Variants in KCND2 observed in about 807,000 individuals in gnomAD.
KCND2 encodes the protein A-type voltage-gated potassium channel KCND2.
KCND2 carries 16 observed loss-of-function variants against 54.4 expected under a neutral mutation model. The ratio of observed to expected loss-of-function variants is 0.29; its 90% CI spans 0.20 to 0.45. The LOEUF is 0.45. KCND2 is among the 20% of genes least tolerant of loss of function. KCND2 has a pLI of 1.00. For missense variants in KCND2, 486 were observed against 824.2 expected (o/e 0.59, Z 5.02); for synonymous variants, 317 against 310.7 (o/e 1.02, Z -0.21).
chr7:120,360,698 C>T lies in KCND2; in HGVS notation c.1115+84951C>T, dbSNP rs113982758. Among the ~76,000 whole-genome samples the T allele has an allele frequency of 1.4e-3, 216 of 152,136 alleles. 1 individual carries two copies. The highest frequency in any genetic ancestry group is 5.0e-3 in the African/African-American group (207 of 41,550). ...CTTCCCTGTCATTGACACTTTTAAA[C>T]ATATTTTCACTAAAAATATGTGATT... On this transcript the variant is annotated intron_variant, in intron 1 of 5. Coordinates refer to ENST00000331113, the MANE Select transcript of KCND2 (RefSeq NM_012281.3).
rs1033900427 is a variant in KCND2 at position 120,652,192 on chromosome 7, C to T, written c.1116-80711C>T. On this transcript the variant is annotated intron_variant, in intron 1 of 5. Transcript: ENST00000331113. ...CCGGGTTCAAGTGATTCCCCTGCCT[C>T]AGCCTCCTGAGTAGCTGGGACTACA... Among the ~76,000 whole-genome samples, 41 of 152,084 alleles carry T rather than the reference C, an allele frequency of 2.7e-4. 1 individual carries two copies. Among genetic ancestry groups the T allele is most frequent in the African/African-American group, 8.9e-4 (37 of 41,410 alleles).
At position 120,298,786 on chromosome 7, in the gene KCND2, A is replaced by G. The variant is rs530059819; in HGVS notation, c.1115+23039A>G. ...AAATTAGTAATATTTGAGCACTACT[A>G]TTAGAAAGTGTAGCGAAGTCTTACG... is the stretch of plus-strand genomic sequence containing the variant. On this transcript the variant is annotated intron_variant, in intron 1 of 5. Transcript: ENST00000331113. 7.9e-5 allele frequency among the ~76,000 whole-genome samples: 12 copies of G among 152,332 alleles called. No homozygotes were observed. The South Asian group carries it at 1.2e-3, about 16-fold the overall frequency.
At chr7:120,702,832 A>G (rs1406376905) in intron 1 of KCND2, among the ~76,000 whole-genome samples, 4 of 152,182 alleles carry the variant, frequency 2.6e-5, no homozygotes, top group African/African-American at 9.7e-5. Flanking sequence ...ACTAATAGGT[A>G]CTAGGCATAA....
chr7:120,479,976 A>AAAAG (rs1253427955), intron 1 of KCND2, among the ~76,000 whole-genome samples: 5 of 149,914 alleles, frequency 3.3e-5, no homozygotes, highest in African/African-American at 1.2e-4. Context: ...AAAAAAAAAA[A>AAAAG]AAAGAAAGAA....
intron 1 of KCND2, among the ~76,000 whole-genome samples, chr7:120,348,026 G>T (rs1370284449): frequency 6.6e-6 from 1 of 151,942 alleles, no homozygotes; most frequent in Non-Finnish European, 1.5e-5. Flanking sequence ...ATTTATAAGG[G>T]CTCCACTCTC....
chr7:120,573,888 A>G lies in KCND2; in HGVS notation c.1116-159015A>G, dbSNP rs537294298. On this transcript the variant is annotated intron_variant, in intron 1 of 5. Coordinates refer to ENST00000331113, the MANE Select transcript of KCND2 (RefSeq NM_012281.3). Reference sequence around the variant, plus strand: ...GTTATTCTCAAATTAAAAGAAGAAAATTTAGAATCCTGTGACAAATCCTGT... The same window carrying G: ...GTTATTCTCAAATTAAAAGAAGAAAGTTTAGAATCCTGTGACAAATCCTGT... Among the ~76,000 whole-genome samples, 7 of 152,300 alleles carry G rather than the reference A, an allele frequency of 4.6e-5. No individual in the cohort carries two copies. The East Asian group carries it at 1.4e-3, about 29-fold the overall frequency.
chr7:120,706,779 A>C (rs1191068967), intron 1 of KCND2, among the ~76,000 whole-genome samples: 1 of 152,204 alleles, frequency 6.6e-6, no homozygotes, highest in Non-Finnish European at 1.5e-5. Context: ...CTGTGAATTA[A>C]TTAACACACA....
At chr7:120,642,469 C>A (rs1793388630) in intron 1 of KCND2, among the ~76,000 whole-genome samples, 1 of 150,248 alleles carries the variant, frequency 6.7e-6, no homozygotes. Flanking sequence ...GGTTAAGGCA[C>A]AAGAATCACT....
At chr7:120,604,545 ATAATAATAT>A (rs1243518046) in intron 1 of KCND2, among the ~76,000 whole-genome samples, 24 of 93,560 alleles carry the variant, frequency 2.6e-4, no homozygotes, top group South Asian at 1.1e-3. Context: ...AATAATAATA[ATAATAATAT>A]TACTAATTAA....
chr7:120,661,572 C>A (rs1476564883), intron 1 of KCND2, among the ~76,000 whole-genome samples: 3 of 151,830 alleles, frequency 2.0e-5, no homozygotes, highest in Non-Finnish European at 2.9e-5. Context: ...ATCACTTGAA[C>A]CTGAGAGGCG....
intron 1 of KCND2, among the ~76,000 whole-genome samples, chr7:120,610,700 A>G (rs1792943524): frequency 6.6e-6 from 1 of 152,134 alleles, no homozygotes; most frequent in Non-Finnish European, 1.5e-5. Context: ...ATTCAAGCGG[A>G]AACTAATTAG....
intron 1 of KCND2, among the ~76,000 whole-genome samples, chr7:120,681,694 C>G (rs190259403): frequency 3.3e-5 from 5 of 152,132 alleles, no homozygotes; most frequent in African/African-American, 1.2e-4. Flanking sequence ...TTAATCATAA[C>G]TATTCACATT....
rs1207903434 is a variant in KCND2, at chr7:120,273,290, G to T, written c.-1343G>T. 6.6e-6 allele frequency among the ~76,000 whole-genome samples: 1 copy of T among 151,454 alleles called. No homozygotes were observed. Among genetic ancestry groups the T allele is most frequent in the Admixed American group, 6.6e-5 (1 of 15,214 alleles). On this transcript the variant is annotated 5_prime_UTR_variant, in exon 1 of 6. Coordinates refer to ENST00000331113, the MANE Select transcript of KCND2 (RefSeq NM_012281.3). Reference sequence around the variant, plus strand: ...GGAGATGCAGGACCACCCACTGGCGGGGAAGCAGCTAGCAGCCCTCCCGCG... The same window carrying T: ...GGAGATGCAGGACCACCCACTGGCGTGGAAGCAGCTAGCAGCCCTCCCGCG...
At chr7:120,714,397 A>G (rs1009414195) in intron 1 of KCND2, among the ~76,000 whole-genome samples, 1 of 152,156 alleles carries the variant, frequency 6.6e-6, no homozygotes, top group African/African-American at 2.4e-5. Flanking sequence ...CTAACATATA[A>G]AAAGCATTCA....
At chr7:120,330,454 A>AC (rs1461004363) in intron 1 of KCND2, among the ~76,000 whole-genome samples, 1 of 151,732 alleles carries the variant, frequency 6.6e-6, no homozygotes, top group Non-Finnish European at 1.5e-5. Flanking sequence ...GGTGGCAGGC[A>AC]CCTGTAATCC....
At chr7:120,448,958 T>G (rs1192013837) in intron 1 of KCND2, among the ~76,000 whole-genome samples, 1 of 152,170 alleles carries the variant, frequency 6.6e-6, no homozygotes, top group African/African-American at 2.4e-5. Context: ...TAAATTAAAC[T>G]TGTATTAATC....
intron 1 of KCND2, among the ~76,000 whole-genome samples, chr7:120,344,993 AG>A (rs966119605): frequency 2.6e-5 from 4 of 152,226 alleles, no homozygotes; most frequent in African/African-American, 4.8e-5. Flanking sequence ...GGTGGCCCAA[AG>A]GAAAAAGTGG....
intron 1 of KCND2, among the ~76,000 whole-genome samples, chr7:120,706,037 T>G (rs1311417191): frequency 1.3e-5 from 2 of 152,130 alleles, no homozygotes; most frequent in African/African-American, 4.8e-5. Context: ...CGCAGGGCCA[T>G]GCAGTTCACC....
intron 1 of KCND2, among the ~76,000 whole-genome samples, chr7:120,648,636 A>C (rs552860614): frequency 1.1e-4 from 16 of 152,310 alleles, no homozygotes; most frequent in Non-Finnish European, 2.4e-4. Flanking sequence ...TTAGCTTTGC[A>C]TTGCCCATAC....
Sources: gnomAD v4.1 joint callset for allele counts (sites outside exome capture counted in the v4.1 genomes callset) on GRCh38, gnomAD v4.1.1 for gene constraint, MANE v1.5 for transcripts, NCBI Gene and HGNC (gene_info 2026-07-23, HGNC 2026-07-21) for gene names.